The following SDK1 variants were observed in gnomAD, a reference collection of about 807,000 sequenced individuals.
The protein encoded by SDK1 is protein sidekick-1.
SDK1 carries 157 observed loss-of-function variants against 245.5 expected under a neutral mutation model. The ratio of observed to expected loss-of-function variants is 0.64; its 90% CI spans 0.56 to 0.73. SDK1 has a LOEUF of 0.73. SDK1 is among the 30% of genes least tolerant of loss of function. The pLI, the probability that SDK1 is intolerant of heterozygous loss-of-function variation, is 0.00. For synonymous variants in SDK1, 1,647 were observed against 1,278.5 expected (o/e 1.29, Z -6.15); for missense variants, 3,583 against 3,002.3 (o/e 1.19, Z -4.52).
At chr7:3,842,217 C>T (rs1030696072) in intron 5 of SDK1, among the ~76,000 whole-genome samples, 1 of 152,188 alleles carries the variant, frequency 6.6e-6, no homozygotes, top group Non-Finnish European at 1.5e-5. Context: ...GTACTTGCAC[C>T]ACCATCCCCA....
chr7:3,488,595 A>G (rs1781773851), intron 1 of SDK1, among the ~76,000 whole-genome samples: 1 of 152,212 alleles, frequency 6.6e-6, no homozygotes, highest in Non-Finnish European at 1.5e-5. Flanking sequence ...TGATAGTTGA[A>G]GTCCCTTACA....
chr7:3,947,877 G>A (rs947769241), intron 5 of SDK1, among the ~76,000 whole-genome samples: 3 of 152,070 alleles, frequency 2.0e-5, no homozygotes, highest in South Asian at 2.1e-4. Context: ...AAGACATGGA[G>A]CTCAAAACTA....
At chr7:3,433,218 A>G (rs1477651516) in intron 1 of SDK1, among the ~76,000 whole-genome samples, 1 of 152,160 alleles carries the variant, frequency 6.6e-6, no homozygotes, top group East Asian at 1.9e-4. Flanking sequence ...CACATTATCT[A>G]GTTATCTGCC....
At position 3,844,722 on chromosome 7, in the gene SDK1, C is replaced by T. The variant is rs73674306; in HGVS notation, c.847+23139C>T. On this transcript the variant is annotated intron_variant, in intron 5 of 44. Transcript: ENST00000404826. ...AGACAGCAGCTCTCCAGCCCGAGTG[C>T]CACACAGAGAACCTCACTGTTTGCC... 5.4e-3 allele frequency among the ~76,000 whole-genome samples: 829 copies of T among 152,286 alleles called. 7 individuals carry two copies. The highest frequency in any genetic ancestry group is 0.019 in the African/African-American group (771 of 41,552).
intron 14 of SDK1, among the ~76,000 whole-genome samples, chr7:3,990,248 C>T (rs575115623): frequency 3.1e-4 from 47 of 152,378 alleles, no homozygotes; most frequent in African/African-American, 9.4e-4. Context: ...GGCACCACCT[C>T]GGAGTGAGGC....
chr7:4,266,726 C>T lies in SDK1; in HGVS notation c.*1342C>T. Reference sequence around the variant, plus strand: ...AACAGACGACTGGGCTGCCATGGTCCACCCCTCAGCCCGGGTCCCGGGTCT... The same window carrying T: ...AACAGACGACTGGGCTGCCATGGTCTACCCCTCAGCCCGGGTCCCGGGTCT... On this transcript the variant is annotated 3_prime_UTR_variant, in exon 45 of 45. Coordinates refer to ENST00000404826, the MANE Select transcript of SDK1 (RefSeq NM_152744.4). The T allele has an allele frequency of 2.0e-6, 2 of 985,488 alleles. No individual in the cohort carries two copies. The highest frequency in any genetic ancestry group is 2.4e-6 in the Non-Finnish European group (2 of 829,950). 61.0% of individuals were successfully genotyped at this position (985,488 alleles called of 1,614,324 possible).
At chr7:4,237,192 G>GT (rs1786221935) in intron 41 of SDK1, among the ~76,000 whole-genome samples, 1 of 151,990 alleles carries the variant, frequency 6.6e-6, no homozygotes, top group Non-Finnish European at 1.5e-5. Flanking sequence ...GTGCCTGGCT[G>GT]TTTTTTTGTT....
At chr7:4,233,209 C>T in intron 40 of SDK1, 46 bp from the exon 41 acceptor site, 1 of 1,578,198 alleles carries the variant, frequency 6.3e-7, no homozygotes, top group Non-Finnish European at 8.6e-7. Flanking sequence ...GCATCTGGGA[C>T]TTCGCACTTC....
At chr7:3,958,304 A>G (rs911781456) in intron 7 of SDK1, 3 of 280,704 alleles carry the variant, frequency 1.1e-5, no homozygotes, top group Admixed American at 5.2e-5. Context: ...CTCCAAGGAA[A>G]TTCATTGTTT....
chr7:3,728,974 T>C (rs10238757), intron 4 of SDK1, among the ~76,000 whole-genome samples: 6,808 of 152,272 alleles, frequency 0.045, 508 homozygotes, highest in African/African-American at 0.16. Flanking sequence ...TTAAAAATTA[T>C]GAAGGCAACT....
chr7:4,077,686 G>C (rs561531213), intron 21 of SDK1, among the ~76,000 whole-genome samples: 2 of 152,288 alleles, frequency 1.3e-5, no homozygotes, highest in Non-Finnish European at 1.5e-5. Flanking sequence ...AGCAGGCAAA[G>C]AGAGAGCCCG....
intron 1 of SDK1, among the ~76,000 whole-genome samples, chr7:3,580,969 A>AAAAT (rs1780462038): frequency 1.3e-5 from 1 of 78,022 alleles, no homozygotes; most frequent in Admixed American, 1.3e-4. Context: ...ACTCCATCTC[A>AAAAT]AAAAAAAAAA....
chr7:3,597,916 G>A (rs976318674), intron 1 of SDK1, among the ~76,000 whole-genome samples: 34 of 151,828 alleles, frequency 2.2e-4, no homozygotes, highest in Non-Finnish European at 4.4e-4. Flanking sequence ...AAAATTACTC[G>A]TGTGGATGTA....
intron 35 of SDK1, among the ~76,000 whole-genome samples, chr7:4,193,149 TA>T (rs1783315166): frequency 7.5e-6 from 1 of 133,334 alleles, no homozygotes; most frequent in Non-Finnish European, 1.5e-5. Flanking sequence ...TTAATATATT[TA>T]TATAATATAT....
chr7:3,608,778 G>A (rs979047850), intron 1 of SDK1, among the ~76,000 whole-genome samples: 6 of 152,166 alleles, frequency 3.9e-5, no homozygotes, highest in Non-Finnish European at 5.9e-5. Flanking sequence ...TCATTTATGC[G>A]GTTTCAGAGT....
chr7:3,319,262 C>T (rs1284413292), intron 1 of SDK1, among the ~76,000 whole-genome samples: 1 of 152,088 alleles, frequency 6.6e-6, no homozygotes, highest in African/African-American at 2.4e-5. Flanking sequence ...AAGCCCCCAC[C>T]CTTTTCCACA....
intron 5 of SDK1, among the ~76,000 whole-genome samples, chr7:3,910,137 G>A (rs891831601): frequency 4.6e-5 from 7 of 152,186 alleles, no homozygotes; most frequent in Non-Finnish European, 5.9e-5. Flanking sequence ...GTGGTGCTGC[G>A]TCAGCAGACA....
At chr7:3,736,249 TC>T (rs1779315170) in intron 4 of SDK1, among the ~76,000 whole-genome samples, 2 of 152,150 alleles carry the variant, frequency 1.3e-5, no homozygotes, top group African/African-American at 4.8e-5. Context: ...TCTAGTTACT[TC>T]TTTTATTTTC....
intron 1 of SDK1, among the ~76,000 whole-genome samples, chr7:3,582,425 CT>C (rs1780533354): frequency 1.4e-5 from 2 of 145,766 alleles, no homozygotes; most frequent in East Asian, 2.0e-4. Context: ...GTAGGTCTGT[CT>C]CAGGTAGGTC....
Sources: allele counts gnomAD v4.1 joint callset (sites outside exome capture counted in the v4.1 genomes callset), GRCh38; gene constraint gnomAD v4.1.1; transcripts MANE v1.5; gene names NCBI Gene and HGNC (gene_info 2026-07-23, HGNC 2026-07-21).